The following NRG1 variants were observed in gnomAD, a reference collection of about 807,000 sequenced individuals.
NRG1 encodes the protein pro-neuregulin-1, membrane-bound isoform.
A neutral mutation model predicts 63.8 loss-of-function variants in NRG1; 18 were observed. The observed-to-expected ratio is 0.28, with a 90% CI of 0.19 to 0.42. NRG1 has a LOEUF of 0.42. Among genes scored for constraint, NRG1 ranks in the 10% least tolerant of loss-of-function variants. The pLI, the probability that NRG1 is intolerant of heterozygous loss-of-function variation, is 1.00. For missense variants in NRG1, 762 were observed against 814.7 expected (o/e 0.94, Z 0.79); for synonymous variants, 302 against 301.3 (o/e 1.00, Z -0.02).
chr8:32,057,999 T>G (rs1823236807), intron 1 of NRG1, among the ~76,000 whole-genome samples: 1 of 152,126 alleles, frequency 6.6e-6, no homozygotes, highest in East Asian at 1.9e-4. Flanking sequence ...ATAGTTTGAA[T>G]GTTTCTAGCA....
chr8:31,863,657 A>T (rs1828680985), intron 1 of NRG1, among the ~76,000 whole-genome samples: 1 of 152,176 alleles, frequency 6.6e-6, no homozygotes, highest in African/African-American at 2.4e-5. Flanking sequence ...CAGAAAATAA[A>T]TTTTCTTTTA....
intron 1 of NRG1, among the ~76,000 whole-genome samples, chr8:32,407,403 A>G (rs963925157): frequency 1.3e-5 from 2 of 149,798 alleles, no homozygotes; most frequent in African/African-American, 4.9e-5. Context: ...AATCTTGTCT[A>G]TTGAATTCAT....
chr8:31,769,205 A>G (rs1029373174), intron 1 of NRG1, among the ~76,000 whole-genome samples: 1 of 152,236 alleles, frequency 6.6e-6, no homozygotes, highest in Non-Finnish European at 1.5e-5. Flanking sequence ...TCAATAATTT[A>G]CATGGGTTTT....
chr8:32,134,060 T>A (rs771841820), intron 1 of NRG1, among the ~76,000 whole-genome samples: 4 of 152,178 alleles, frequency 2.6e-5, no homozygotes. Flanking sequence ...TATAGGTGGT[T>A]GGTTCTGCAT....
chr8:32,173,255 A>T (rs1462363664), intron 1 of NRG1, among the ~76,000 whole-genome samples: 5 of 152,132 alleles, frequency 3.3e-5, no homozygotes, highest in Admixed American at 6.5e-5. Context: ...TCATAAGTGA[A>T]GGAGAAATAA....
At chr8:32,049,479 C>G (rs113600477) in intron 1 of NRG1, among the ~76,000 whole-genome samples, 1,545 of 152,124 alleles carry the variant, frequency 0.01, 12 homozygotes, top group Non-Finnish European at 0.018. Flanking sequence ...GATAAGGTGT[C>G]ACAGATTTAA....
chr8:32,041,324 C>G (rs1241683803), intron 1 of NRG1, among the ~76,000 whole-genome samples: 1 of 152,124 alleles, frequency 6.6e-6, no homozygotes, highest in Non-Finnish European at 1.5e-5. Context: ...TAGTGAGGTT[C>G]CAGCTTTGAA....
intron 2 of NRG1, among the ~76,000 whole-genome samples, chr8:32,600,279 T>C (rs1844095369): frequency 6.6e-6 from 1 of 152,018 alleles, no homozygotes. Flanking sequence ...TTCACTTCTT[T>C]GTCCTTTTCA....
At chr8:32,306,873 G>T (rs1483076069) in intron 1 of NRG1, among the ~76,000 whole-genome samples, 7 of 152,142 alleles carry the variant, frequency 4.6e-5, no homozygotes, top group Non-Finnish European at 5.9e-5. Context: ...GTGATCTGGG[G>T]TTTTATCACT....
intron 1 of NRG1, among the ~76,000 whole-genome samples, chr8:32,028,895 TG>T (rs34111654): frequency 0.45 from 68,401 of 152,008 alleles, 17,919 homozygotes; most frequent in South Asian, 0.6. Context: ...AAATGAGTGA[TG>T]AAAAAGTTTT....
At chr8:31,724,996 C>G (rs1813282901) in intron 1 of NRG1, among the ~76,000 whole-genome samples, 1 of 152,174 alleles carries the variant, frequency 6.6e-6, no homozygotes, top group Non-Finnish European at 1.5e-5. Flanking sequence ...GAGGGCTGCT[C>G]TGTTCCAATA....
At chr8:32,680,125 G>A (rs192716101) in intron 5 of NRG1, among the ~76,000 whole-genome samples, 37 of 152,244 alleles carry the variant, frequency 2.4e-4, no homozygotes, top group African/African-American at 8.7e-4. Context: ...TAATTACCAT[G>A]TCCTCAGTAA....
chr8:32,148,057 GTTA>G (rs1193839486), intron 1 of NRG1, among the ~76,000 whole-genome samples: 2 of 151,838 alleles, frequency 1.3e-5, no homozygotes, highest in African/African-American at 4.8e-5. Flanking sequence ...AGGTTTTTTT[GTTA>G]TTATGTGCAA....
intron 1 of NRG1, among the ~76,000 whole-genome samples, chr8:32,572,564 T>A (rs936796791): frequency 1.1e-4 from 16 of 152,172 alleles, no homozygotes; most frequent in Non-Finnish European, 1.9e-4. Flanking sequence ...CTTTCTTTAT[T>A]ATACAGTAGC....
intron 1 of NRG1, among the ~76,000 whole-genome samples, chr8:31,763,119 T>C (rs1016711673): frequency 2.6e-5 from 4 of 152,128 alleles, no homozygotes; most frequent in Admixed American, 1.3e-4. Flanking sequence ...AAAAGGTAAC[T>C]CCTGTTCATG....
At chr8:32,430,034 G>A (rs564748617) in intron 1 of NRG1, among the ~76,000 whole-genome samples, 2 of 152,144 alleles carry the variant, frequency 1.3e-5, no homozygotes, top group African/African-American at 4.8e-5. Context: ...AAATAGGCAA[G>A]GAAGTTGCTT....
At chr8:31,888,989 C>G (rs1341813766) in intron 1 of NRG1, among the ~76,000 whole-genome samples, 3 of 152,052 alleles carry the variant, frequency 2.0e-5, no homozygotes, top group African/African-American at 7.2e-5. Context: ...CCATTTTGTA[C>G]CACAGGGAAA....
intron 1 of NRG1, among the ~76,000 whole-genome samples, chr8:32,047,520 A>G (rs561495596): frequency 6.6e-6 from 1 of 152,142 alleles, no homozygotes; most frequent in East Asian, 1.9e-4. Context: ...TGATGGATTA[A>G]TTGTGCTGTA....
chr8:31,764,400 G>C (rs1185478275), intron 1 of NRG1, among the ~76,000 whole-genome samples: 3 of 151,962 alleles, frequency 2.0e-5, no homozygotes, highest in Non-Finnish European at 4.4e-5. Flanking sequence ...CTTCCCTCCT[G>C]ACCCCATTCC....
Sources: gnomAD v4.1 joint callset for allele counts (sites outside exome capture counted in the v4.1 genomes callset) on GRCh38, gnomAD v4.1.1 for gene constraint, MANE v1.5 for transcripts, NCBI Gene and HGNC (gene_info 2026-07-23, HGNC 2026-07-21) for gene names.